The following AIG1 variants were observed in gnomAD, a reference collection of about 807,000 sequenced individuals.
AIG1 encodes androgen induced 1.
AIG1 carries 23 observed loss-of-function variants against 31.4 expected under a neutral mutation model. The ratio of observed to expected loss-of-function variants is 0.73; its 90% CI spans 0.53 to 1.04. The LOEUF is 1.04. Among genes scored for constraint, AIG1 ranks in the 50% least tolerant of loss-of-function variants. The probability of loss-of-function intolerance (pLI) is 0.00; values close to 1 mark genes in which losing one functional copy is unlikely to be tolerated. For synonymous variants in AIG1, 100 were observed against 110.5 expected, an observed-to-expected ratio of 0.90 and a Z score of 0.60; for missense variants, 274 against 295.0, an observed-to-expected ratio of 0.93 and a Z score of 0.52.
chr6:143,143,610 C>A (rs1160578201), intron 2 of AIG1, among the ~76,000 whole-genome samples: 1 of 137,464 alleles, frequency 7.3e-6, no homozygotes, highest in African/African-American at 2.6e-5. Flanking sequence ...ACACAGGTAC[C>A]TAAAGTCAAG....
upstream of AIG1, chr6:143,060,708 G>A: frequency 2.5e-5 from 11 of 437,326 alleles, no homozygotes; most frequent in South Asian, 1.6e-4. Context: ...GCAGTGGAGA[G>A]CGTCCGCAAA....
At chr6:143,319,361 G>C (rs1776019705) in intron 4 of AIG1, among the ~76,000 whole-genome samples, 2 of 152,170 alleles carry the variant, frequency 1.3e-5, no homozygotes, top group African/African-American at 4.8e-5. Context: ...TATTCTAAGT[G>C]AAGTAACTCA....
chr6:143,336,831 G>A (rs1198038836), intron 5 of AIG1, among the ~76,000 whole-genome samples: 1 of 152,154 alleles, frequency 6.6e-6, no homozygotes, highest in East Asian at 1.9e-4. Flanking sequence ...GTGAACCTGG[G>A]AAACCAGACA....
chr6:143,299,392 C>T lies in AIG1; in HGVS notation c.515+15167C>T, dbSNP rs1476058967. 3 of 152,108 alleles carry T rather than the reference C, an allele frequency of 2.0e-5. No homozygotes were observed. Among genetic ancestry groups the T allele is most frequent in the Admixed American group, 2.0e-4 (3 of 15,256 alleles). 9.4% of individuals were successfully genotyped at this position (152,108 alleles called of 1,614,324 possible). On this transcript the variant is annotated intron_variant, in intron 4 of 5. Coordinates refer to ENST00000357847, the MANE Select transcript of AIG1 (RefSeq NM_016108.4). The surrounding 1 kb of genome is among the most constrained non-coding windows in gnomAD (Gnocchi z 4.1). ...GTCATAGAAGGGCATTGTGTGGGTG[C>T]CACAATCATCTAAGTCTACCAGCAG... is the stretch of plus-strand genomic sequence containing the variant.
chr6:143,100,331 G>A (rs1365223539), intron 1 of AIG1, among the ~76,000 whole-genome samples: 1 of 152,144 alleles, frequency 6.6e-6, no homozygotes, highest in African/African-American at 2.4e-5. Flanking sequence ...TTCAGAGATG[G>A]GAGAGGTTTT....
chr6:143,227,657 C>A (rs1256878264), intron 3 of AIG1, among the ~76,000 whole-genome samples: 1 of 152,036 alleles, frequency 6.6e-6, no homozygotes, highest in Non-Finnish European at 1.5e-5. Context: ...ATGGAAAGCC[C>A]TGACTGATAT....
At chr6:143,207,484 A>G (rs1029686739) in intron 3 of AIG1, among the ~76,000 whole-genome samples, 4 of 151,468 alleles carry the variant, frequency 2.6e-5, no homozygotes, top group African/African-American at 4.9e-5. Flanking sequence ...TACATGCAGC[A>G]AACTTTCAAT....
chr6:143,275,364 A>G (rs1312261118), intron 3 of AIG1, among the ~76,000 whole-genome samples: 1 of 152,074 alleles, frequency 6.6e-6, no homozygotes, highest in Non-Finnish European at 1.5e-5. Flanking sequence ...TAATCTTTCT[A>G]CTATTAATAT....
intron 4 of AIG1, among the ~76,000 whole-genome samples, chr6:143,316,111 CCAAAAAAACACTGATTAAG>C (rs962468035): frequency 1.3e-5 from 2 of 152,060 alleles, no homozygotes; most frequent in Non-Finnish European, 2.9e-5. Flanking sequence ...GCCATTACCC[CCAAAAAAACACTGATTAAG>C]CAACTATTCA....
At chr6:143,188,483 C>T (rs1205430906) in intron 3 of AIG1, 4 of 985,248 alleles carry the variant, frequency 4.1e-6, no homozygotes, top group Non-Finnish European at 4.8e-6. Context: ...GGAAGGTCTC[C>T]TTCAGCTTCC....
At chr6:143,218,411 T>G (rs908336961) in intron 3 of AIG1, among the ~76,000 whole-genome samples, 5 of 152,236 alleles carry the variant, frequency 3.3e-5, no homozygotes, top group Non-Finnish European at 7.3e-5. Flanking sequence ...CCAGGATCGC[T>G]TTCCATGGTC....
intron 3 of AIG1, chr6:143,188,310 G>A: frequency 1.0e-6 from 1 of 985,888 alleles, no homozygotes; most frequent in Middle Eastern, 5.2e-4. Context: ...GACACCAGTT[G>A]TTGCTATACA....
chr6:143,280,960 A>C lies in AIG1; in HGVS notation c.400-3150A>C, dbSNP rs1331209254. On this transcript the variant is annotated intron_variant, in intron 3 of 5. Coordinates refer to ENST00000357847, the MANE Select transcript of AIG1 (RefSeq NM_016108.4). This position sits in a 1 kb window ranked among gnomAD's most constrained non-coding sequence, Gnocchi z 4.1. ...GGATAATATATCACAGGAAAGACAT[A>C]TTTAGCAAAAATCATTTTTTACAGT... Among the ~76,000 whole-genome samples, 2 of 152,226 alleles carry C rather than the reference A, an allele frequency of 1.3e-5. No homozygotes were observed. Among genetic ancestry groups the C allele is most frequent in the Non-Finnish European group, 2.9e-5 (2 of 68,030 alleles).
intron 1 of AIG1, among the ~76,000 whole-genome samples, chr6:143,075,828 A>T (rs984354520): frequency 4.6e-5 from 7 of 152,180 alleles, no homozygotes; most frequent in African/African-American, 1.7e-4. Context: ...AAATATTTTT[A>T]AAAATTTCCT....
chr6:143,342,264 G>A, downstream of AIG1: 1 of 685,404 alleles, frequency 1.5e-6, no homozygotes, highest in Non-Finnish European at 2.7e-6. Context: ...GCGAGGCTGG[G>A]CGCAGAGAGG....
At chr6:143,278,723 C>T (rs1432058691) in intron 3 of AIG1, among the ~76,000 whole-genome samples, 1 of 152,070 alleles carries the variant, frequency 6.6e-6, no homozygotes, top group East Asian at 1.9e-4. Flanking sequence ...CCCGCCTCAG[C>T]CTCCCAAAGT....
intron 3 of AIG1, among the ~76,000 whole-genome samples, chr6:143,278,291 T>C (rs921757333): frequency 6.6e-6 from 1 of 152,194 alleles, no homozygotes; most frequent in South Asian, 2.1e-4. Context: ...TACCCCAGTA[T>C]GTAGGCTGTA....
intron 3 of AIG1, among the ~76,000 whole-genome samples, chr6:143,183,607 C>G (rs749724367): frequency 3.9e-5 from 6 of 152,120 alleles, no homozygotes; most frequent in Non-Finnish European, 8.8e-5. Context: ...GTACTCTGCC[C>G]TTGTTGTTGC....
chr6:143,334,248 G>A lies in AIG1; in HGVS notation c.679+803G>A, dbSNP rs371364915. On this transcript the variant is annotated intron_variant, in intron 5 of 5. Transcript: ENST00000357847. The surrounding 1 kb of genome is among the most constrained non-coding windows in gnomAD (Gnocchi z 5.1). ...AAGGCAAGATGGTTTGGAGATTTTAGGAAGCCCTGGCTCTTTCCTCTGACA... is the reference window on the plus strand; with the variant it reads ...AAGGCAAGATGGTTTGGAGATTTTAAGAAGCCCTGGCTCTTTCCTCTGACA... Among the ~76,000 whole-genome samples the A allele has an allele frequency of 6.6e-5, 10 of 152,330 alleles. No individual in the cohort carries two copies. Among genetic ancestry groups the A allele is most frequent in the Non-Finnish European group, 1.2e-4 (8 of 68,024 alleles).
Sources: gnomAD v4.1 joint callset for allele counts (sites outside exome capture counted in the v4.1 genomes callset) on GRCh38, gnomAD v4.1.1 for gene constraint, Gnocchi (gnomAD v3.1) non-coding constraint, MANE v1.5 for transcripts, NCBI Gene and HGNC (gene_info 2026-07-23, HGNC 2026-07-21) for gene names.